ITGB8: variants seen among roughly 807,000 people sequenced by gnomAD.
ITGB8 encodes integrin beta-8.
In ITGB8, 30 loss-of-function variants were observed where a neutral mutation model predicts 89.5. That is an observed-to-expected ratio of 0.34 (90% CI 0.25 to 0.45). The LOEUF (loss-of-function observed/expected upper bound fraction) is 0.45, where lower values mean the gene tolerates loss of function less well. Ranked by LOEUF, ITGB8 falls within the 20% of genes least tolerant of loss-of-function variation. The pLI, the probability that ITGB8 is intolerant of heterozygous loss-of-function variation, is 1.00. For synonymous variants in ITGB8, 335 were observed against 320.4 expected, an observed-to-expected ratio of 1.05 and a Z score of -0.49; for missense variants, 836 against 933.3, an observed-to-expected ratio of 0.90 and a Z score of 1.36.
At chr7:20,380,556 G>T in intron 4 of ITGB8, 110 bp from the exon 5 acceptor site, 4 of 838,644 alleles carry the variant, frequency 4.8e-6, no homozygotes, top group Admixed American at 2.6e-5. Context: ...AGTTTCCCTG[G>T]CACAAAAGAA....
Position 20,414,808 on chromosome 7 carries a change from C to T in ITGB8, c.*4811C>T, listed in dbSNP as rs1336127714. 2 of 152,516 alleles carry T rather than the reference C, an allele frequency of 1.3e-5. No individual in the cohort carries two copies. The highest frequency in any genetic ancestry group is 2.9e-5 in the Non-Finnish European group (2 of 67,970). The allele number at this position is 152,516 out of a possible 1,614,324, so 9.4% of individuals were successfully genotyped here. On this transcript the variant is annotated 3_prime_UTR_variant, in exon 14 of 14. Transcript: ENST00000222573. ...TAAACCTGAGAGTAATAACACTACT[C>T]TTTTATCTACCTGGAATACTTTTCT...
rs185424144 is a variant in ITGB8, at chr7:20,399,007, G to A, written c.1281+13G>A. The A allele has an allele frequency of 2.5e-6, 4 of 1,602,246 alleles. No homozygotes were observed. In the South Asian group the frequency reaches 3.4e-5, roughly 14 times the overall value. On this transcript the variant is annotated intron_variant, in intron 9 of 13. Coordinates refer to ENST00000222573, the MANE Select transcript of ITGB8 (RefSeq NM_002214.3). ...GAGCAATGATGAAGTATGTGGGTGT[G>A]CATTTTTCCCTTTTAAAATAAACTA...
Position 20,363,623 on chromosome 7 carries a change from C to T in ITGB8, c.128-14C>T, listed in dbSNP as rs774180587. The stretch of plus-strand genomic sequence containing the variant: ...TTTGAGAGTAAATTATAACTGTTTT[C>T]TCCTTCATTGCAGAAGACAATAGAT... On this transcript the variant is annotated splice_polypyrimidine_tract_variant and intron_variant, in intron 1 of 13. Coordinates refer to ENST00000222573, the MANE Select transcript of ITGB8 (RefSeq NM_002214.3). 2 of 1,513,406 alleles carry T rather than the reference C, an allele frequency of 1.3e-6. No homozygotes were observed. The highest frequency in any genetic ancestry group is 2.5e-5 in the South Asian group (2 of 79,596). 93.7% of individuals were successfully genotyped at this position (1,513,406 alleles called of 1,614,324 possible).
At chr7:20,362,868 T>A (rs1785556826) in intron 1 of ITGB8, among the ~76,000 whole-genome samples, 1 of 152,240 alleles carries the variant, frequency 6.6e-6, no homozygotes, top group African/African-American at 2.4e-5. Context: ...TTTCAGCAGT[T>A]AGTGGATGGA....
chr7:20,367,585 G>C (rs1785753983), intron 3 of ITGB8, among the ~76,000 whole-genome samples: 1 of 151,726 alleles, frequency 6.6e-6, no homozygotes, highest in African/African-American at 2.4e-5. Context: ...TTTTGGAAGG[G>C]ATCTTCCAAA....
chr7:20,384,463 A>C (rs1367676803), intron 6 of ITGB8, among the ~76,000 whole-genome samples: 1 of 152,212 alleles, frequency 6.6e-6, no homozygotes, highest in East Asian at 1.9e-4. Flanking sequence ...GTATGTATTC[A>C]ACTGAAAGCA....
intron 8 of ITGB8, among the ~76,000 whole-genome samples, chr7:20,398,332 T>C (rs1787172152): frequency 6.6e-6 from 1 of 152,194 alleles, no homozygotes. Flanking sequence ...GCTCCTTCAG[T>C]GTAGAAATGG....
At chr7:20,399,039 T>C (rs2127980244) in intron 9 of ITGB8, 45 bp downstream of exon 9, 1 of 1,576,012 alleles carries the variant, frequency 6.3e-7, no homozygotes, top group Non-Finnish European at 8.6e-7. Flanking sequence ...ACTAAGTTGT[T>C]TGGCGTACTT....
chr7:20,382,690 A>G (rs145458764), intron 6 of ITGB8, among the ~76,000 whole-genome samples: 10 of 152,338 alleles, frequency 6.6e-5, no homozygotes, highest in African/African-American at 2.4e-4. Context: ...TGTTTTTTTA[A>G]GTGGTTAAGT....
chr7:20,387,134 C>A (rs1480277404), intron 6 of ITGB8, among the ~76,000 whole-genome samples: 2 of 152,186 alleles, frequency 1.3e-5, no homozygotes, highest in East Asian at 3.9e-4. Context: ...CTTGAGCAGA[C>A]CTATGGTGTT....
intron 1 of ITGB8, among the ~76,000 whole-genome samples, chr7:20,334,723 C>T (rs1784520433): frequency 6.6e-6 from 1 of 152,076 alleles, no homozygotes; most frequent in African/African-American, 2.4e-5. Flanking sequence ...AATAAGCTCC[C>T]AAATTAATTC....
chr7:20,385,730 A>G (rs1410371961), intron 6 of ITGB8, among the ~76,000 whole-genome samples: 1 of 152,218 alleles, frequency 6.6e-6, no homozygotes, highest in Non-Finnish European at 1.5e-5. Context: ...AATTATACTT[A>G]ATTTTTCCAG....
intron 1 of ITGB8, among the ~76,000 whole-genome samples, chr7:20,347,279 C>A (rs1242013214): frequency 6.6e-6 from 1 of 152,090 alleles, no homozygotes; most frequent in South Asian, 2.1e-4. Flanking sequence ...TAATTCCAGG[C>A]GTTTTGTTTT....
rs139092575 is a variant in ITGB8, at chr7:20,336,776, G to A, written c.127+4843G>A. On this transcript the variant is annotated intron_variant, in intron 1 of 13. Coordinates refer to ENST00000222573, the MANE Select transcript of ITGB8 (RefSeq NM_002214.3). Reference sequence around the variant, plus strand: ...ACACCCACCTGTGACCTCCTTGAGGGAAGAAGCTGCCTGTATTTTTGTGTG... The same window carrying A: ...ACACCCACCTGTGACCTCCTTGAGGAAAGAAGCTGCCTGTATTTTTGTGTG... 2.3e-3 allele frequency among the ~76,000 whole-genome samples: 352 copies of A among 152,254 alleles called. 2 individuals carry two copies. The highest frequency in any genetic ancestry group is 8.2e-3 in the African/African-American group (339 of 41,554).
At chr7:20,397,959 T>G (rs576734047) in intron 8 of ITGB8, among the ~76,000 whole-genome samples, 2 of 152,188 alleles carry the variant, frequency 1.3e-5, no homozygotes, top group East Asian at 3.9e-4. Flanking sequence ...TCCTTTTTTT[T>G]GTTTGTTTTT....
intron 10 of ITGB8, among the ~76,000 whole-genome samples, chr7:20,403,063 A>G (rs1018801117): frequency 1.3e-5 from 2 of 152,228 alleles, no homozygotes; most frequent in East Asian, 3.8e-4. Context: ...TAACAAACCT[A>G]TAAAAAATAA....
intron 8 of ITGB8, among the ~76,000 whole-genome samples, chr7:20,397,053 T>C (rs1322178531): frequency 1.3e-5 from 2 of 152,146 alleles, no homozygotes; most frequent in African/African-American, 2.4e-5. Context: ...TCACAATCCA[T>C]TGAAGAATTA....
chr7:20,333,116 T>C (rs1029742332), intron 1 of ITGB8, among the ~76,000 whole-genome samples: 1 of 152,126 alleles, frequency 6.6e-6, no homozygotes, highest in African/African-American at 2.4e-5. Context: ...AACAGTCAAA[T>C]CATAACCTTA....
At chr7:20,362,759 T>C (rs937540171) in intron 1 of ITGB8, among the ~76,000 whole-genome samples, 1 of 152,224 alleles carries the variant, frequency 6.6e-6, no homozygotes, top group African/African-American at 2.4e-5. Context: ...GTAGGAAGTC[T>C]GAGATTGTTC....
Sources: gnomAD v4.1 joint callset for allele counts (sites outside exome capture counted in the v4.1 genomes callset) on GRCh38, gnomAD v4.1.1 for gene constraint, MANE v1.5 for transcripts, NCBI Gene and HGNC (gene_info 2026-07-23, HGNC 2026-07-21) for gene names.